ASPH: variants seen among roughly 807,000 people sequenced by gnomAD.
The protein encoded by ASPH is aspartyl/asparaginyl beta-hydroxylase.
In ASPH, 100 loss-of-function variants were observed where a neutral mutation model predicts 118.4. The observed-to-expected ratio is 0.84, with a 90% CI of 0.72 to 1.00. The LOEUF (loss-of-function observed/expected upper bound fraction) is 1.00. Among genes scored for constraint, ASPH ranks in the 50% least tolerant of loss-of-function variants. The pLI, the probability that ASPH is intolerant of heterozygous loss-of-function variation, is 0.00. For synonymous variants in ASPH, 315 were observed against 325.6 expected (o/e 0.97, Z 0.35); for missense variants, 920 against 919.5 (o/e 1.00, Z -0.01).
intron 18 of ASPH, among the ~76,000 whole-genome samples, chr8:61,557,400 C>A (rs1057134569): frequency 6.6e-6 from 1 of 152,166 alleles, no homozygotes; most frequent in African/African-American, 2.4e-5. Flanking sequence ...CAAAGATACC[C>A]CTGCCTCAGG....
At chr8:61,573,747 G>A (rs546825607) in intron 16 of ASPH, among the ~76,000 whole-genome samples, 5 of 152,086 alleles carry the variant, frequency 3.3e-5, no homozygotes, top group South Asian at 2.1e-4. Context: ...ATAAAAACCC[G>A]AGAAGAAAAT....
In ASPH at chr8:61,626,932, T is replaced by A. The variant is rs187266547; in HGVS notation, c.934+6751A>T. ...GTTACAATTAAACTAGAAAAGGAGG[T>A]GGTGCACAGAAAGGCCCTGCAAAAT... On this transcript the variant is annotated intron_variant, in intron 13 of 24. Coordinates refer to ENST00000379454, the MANE Select transcript of ASPH (RefSeq NM_004318.4). Among the ~76,000 whole-genome samples, 251 of 151,972 alleles carry A rather than the reference T, an allele frequency of 1.7e-3. 1 individual carries two copies. The highest frequency in any genetic ancestry group is 1.2e-3 in the Non-Finnish European group (80 of 67,922).
intron 24 of ASPH, 176 bp downstream of exon 24, chr8:61,517,352 A>C (rs1246218494): frequency 2.3e-6 from 2 of 885,004 alleles, no homozygotes; most frequent in Admixed American, 5.9e-5. Flanking sequence ...CAATGTCTCC[A>C]GGCTAATAGA....
chr8:61,640,530 G>A (rs1009258081), intron 10 of ASPH, among the ~76,000 whole-genome samples: 7 of 152,142 alleles, frequency 4.6e-5, no homozygotes, highest in Non-Finnish European at 1.0e-4. Context: ...CTTCAGGAAG[G>A]CCCTGCCTCA....
chr8:61,564,270 C>CAAGA (rs774093024), intron 17 of ASPH, among the ~76,000 whole-genome samples: 33 of 149,862 alleles, frequency 2.2e-4, no homozygotes, highest in Non-Finnish European at 4.4e-4. Context: ...GAGACTGAGG[C>CAAGA]AAGAGGAAAA....
intron 3 of ASPH, chr8:61,661,785 C>G (rs1817049376): frequency 2.7e-6 from 1 of 369,292 alleles, no homozygotes; most frequent in African/African-American, 2.1e-5. Flanking sequence ...ACAAAATATT[C>G]TCAATAAAGC....
rs778250888 is a variant in ASPH at position 61,642,873 on chromosome 8, A to T, written c.790+15T>A. Reference sequence around the variant, plus strand: ...AAAAAAAAAGAAAAAAAAAAAAAAGAAAGCATTTGCAAACCTTGTTCCTCA... The same window carrying T: ...AAAAAAAAAGAAAAAAAAAAAAAAGTAAGCATTTGCAAACCTTGTTCCTCA... On this transcript the variant is annotated intron_variant, in intron 10 of 24. Coordinates refer to ENST00000379454, the MANE Select transcript of ASPH (RefSeq NM_004318.4). 4 of 1,544,650 alleles carry T rather than the reference A, an allele frequency of 2.6e-6. No homozygotes were observed. The African/African-American group carries it at 5.7e-5, about 22-fold the overall frequency.
At chr8:61,572,422 T>A (rs1044130313) in intron 16 of ASPH, among the ~76,000 whole-genome samples, 6 of 152,336 alleles carry the variant, frequency 3.9e-5, no homozygotes, top group African/African-American at 7.2e-5. Flanking sequence ...CATGTCCACC[T>A]GAATGTCTCA....
intron 13 of ASPH, chr8:61,628,285 G>A (rs1034078064): frequency 2.2e-5 from 7 of 315,682 alleles, no homozygotes; most frequent in Non-Finnish European, 4.2e-5. Flanking sequence ...TCAGCCTTCT[G>A]AGTAGCTAGG....
intron 14 of ASPH, chr8:61,607,185 C>T: frequency 1.5e-6 from 1 of 670,442 alleles, no homozygotes. Flanking sequence ...ATGCATCATC[C>T]TTCTTAGCTA....
At chr8:61,648,126 C>G (rs1329087919) in intron 5 of ASPH, among the ~76,000 whole-genome samples, 2 of 152,172 alleles carry the variant, frequency 1.3e-5, no homozygotes, top group Non-Finnish European at 2.9e-5. Context: ...CACAGATTTC[C>G]CTCCCATAAA....
In ASPH at chr8:61,502,152, T is replaced by C. The variant is rs1370030197; in HGVS notation, c.*1207A>G. On this transcript the variant is annotated 3_prime_UTR_variant, in exon 25 of 25. Coordinates refer to ENST00000379454, the MANE Select transcript of ASPH (RefSeq NM_004318.4). The stretch of plus-strand genomic sequence containing the variant: ...TCTATGTTGTGGGTAATGTTAAAAC[T>C]AAATACAGATGATAATAATTGCTAT... 1 of 152,218 alleles carries C rather than the reference T, an allele frequency of 6.6e-6. No homozygotes were observed. Among genetic ancestry groups the C allele is most frequent in the Admixed American group, 6.5e-5 (1 of 15,280 alleles). 9.4% of individuals were successfully genotyped at this position (152,218 alleles called of 1,614,324 possible).
chr8:61,544,787 G>A (rs1043700162), intron 21 of ASPH, among the ~76,000 whole-genome samples: 1 of 152,160 alleles, frequency 6.6e-6, no homozygotes, highest in African/African-American at 2.4e-5. Flanking sequence ...TGTCATCTTA[G>A]AAGACACAAT....
intron 21 of ASPH, among the ~76,000 whole-genome samples, chr8:61,547,741 A>G (rs894283748): frequency 1.3e-5 from 2 of 151,990 alleles, no homozygotes; most frequent in African/African-American, 4.8e-5. Context: ...TCATAAATAT[A>G]TATATAATTT....
chr8:61,519,926 G>A (rs569321471), intron 22 of ASPH, among the ~76,000 whole-genome samples: 2 of 152,194 alleles, frequency 1.3e-5, no homozygotes, highest in East Asian at 3.9e-4. Context: ...TAAGTTTTGT[G>A]GTAATTTGTT....
intron 22 of ASPH, among the ~76,000 whole-genome samples, chr8:61,523,234 C>T (rs1233098955): frequency 1.3e-5 from 2 of 152,164 alleles, no homozygotes; most frequent in Admixed American, 1.3e-4. Context: ...ATTTCTGAAC[C>T]ACAGCACCTG....
chr8:61,654,133 C>T (rs1024870521), intron 3 of ASPH, among the ~76,000 whole-genome samples: 1 of 152,104 alleles, frequency 6.6e-6, no homozygotes, highest in African/African-American at 2.4e-5. Flanking sequence ...AGAAATCATA[C>T]ATAACTATTT....
At chr8:61,634,077 T>C (rs968630189) in intron 12 of ASPH, among the ~76,000 whole-genome samples, 1 of 152,226 alleles carries the variant, frequency 6.6e-6, no homozygotes, top group South Asian at 2.1e-4. Flanking sequence ...ACTTAAAGTA[T>C]CTTATTTCTT....
chr8:61,577,606 C>T (rs1419191267), intron 15 of ASPH, among the ~76,000 whole-genome samples: 1 of 152,100 alleles, frequency 6.6e-6, no homozygotes, highest in East Asian at 1.9e-4. Context: ...ATCACAGTTC[C>T]ACGTGGCTGG....
Sources: allele counts gnomAD v4.1 joint callset (sites outside exome capture counted in the v4.1 genomes callset), GRCh38; gene constraint gnomAD v4.1.1; transcripts MANE v1.5; gene names NCBI Gene and HGNC (gene_info 2026-07-23, HGNC 2026-07-21).